The following REDIC1 variants were observed in gnomAD, a reference collection of about 807,000 sequenced individuals.
REDIC1 encodes the protein HEI10 Interacting Protein 1.
At chr12:39,775,505 C>T in the REDIC1 span, among the ~76,000 whole-genome samples, 1 of 152,196 alleles carries the variant, frequency 6.6e-6, no homozygotes, top group Non-Finnish European at 1.5e-5. Flanking sequence ...GGAGGGTCCA[C>T]GTTAGCATTT....
At chr12:39,833,833 T>C in the REDIC1 span, among the ~76,000 whole-genome samples, 2 of 150,048 alleles carry the variant, frequency 1.3e-5, no homozygotes, top group Non-Finnish European at 2.9e-5. Context: ...CTCCATAATA[T>C]GGCACCTTGG....
the REDIC1 span, among the ~76,000 whole-genome samples, chr12:39,697,770 T>G: frequency 6.6e-6 from 1 of 151,500 alleles, no homozygotes; most frequent in Admixed American, 6.6e-5. Flanking sequence ...ACACAAAAAA[T>G]AAAAAGTAAG....
the REDIC1 span, among the ~76,000 whole-genome samples, chr12:39,630,759 T>C: frequency 6.6e-6 from 1 of 152,262 alleles, no homozygotes; most frequent in Non-Finnish European, 1.5e-5. Context: ...ATTACCTAAA[T>C]AGTTGGAGAT....
the REDIC1 span, among the ~76,000 whole-genome samples, chr12:39,778,488 G>A: frequency 6.6e-6 from 1 of 152,124 alleles, no homozygotes; most frequent in South Asian, 2.1e-4. Context: ...AGACTCATGT[G>A]AGGGCCACTC....
the REDIC1 span, among the ~76,000 whole-genome samples, chr12:39,870,426 C>A: frequency 1.3e-5 from 2 of 152,098 alleles, no homozygotes; most frequent in African/African-American, 4.8e-5. Flanking sequence ...ATGATTCAGT[C>A]CATTTCATTG....
chr12:39,683,479 C>A, the REDIC1 span: 10 of 1,590,740 alleles, frequency 6.3e-6, no homozygotes, highest in Non-Finnish European at 8.6e-6. Context: ...ATCCAGCAAA[C>A]TCTATGTAAG....
the REDIC1 span, among the ~76,000 whole-genome samples, chr12:39,730,932 G>C: frequency 9.9e-5 from 15 of 151,242 alleles, no homozygotes; most frequent in Admixed American, 9.9e-4. Flanking sequence ...CTTTTTTTCT[G>C]CTTGATTGAT....
At chr12:39,738,345 G>A in the REDIC1 span, among the ~76,000 whole-genome samples, 1 of 152,088 alleles carries the variant, frequency 6.6e-6, no homozygotes, top group East Asian at 1.9e-4. Flanking sequence ...CTTCTTTTAA[G>A]AATTTTTATT....
the REDIC1 span, among the ~76,000 whole-genome samples, chr12:39,712,288 G>C: frequency 1.9e-5 from 1 of 51,898 alleles, no homozygotes; most frequent in Non-Finnish European, 4.6e-5. Flanking sequence ...ATATATACCT[G>C]TATGTATATA....
chr12:39,848,835 G>T, the REDIC1 span, among the ~76,000 whole-genome samples: 1 of 152,144 alleles, frequency 6.6e-6, no homozygotes, highest in African/African-American at 2.4e-5. Flanking sequence ...GGAATATTAT[G>T]CATCCATAAA....
chr12:39,799,065 G>T, the REDIC1 span, among the ~76,000 whole-genome samples: 152 of 129,204 alleles, frequency 1.2e-3, 1 homozygote, highest in African/African-American at 3.8e-3. Context: ...TACTGTTCTG[G>T]TTTTTTTTTT....
At chr12:39,784,681 T>G in the REDIC1 span, among the ~76,000 whole-genome samples, 1 of 152,198 alleles carries the variant, frequency 6.6e-6, no homozygotes, top group Non-Finnish European at 1.5e-5. Context: ...ACTTCATGAC[T>G]AAAACACCAA....
the REDIC1 span, among the ~76,000 whole-genome samples, chr12:39,855,345 T>C: frequency 6.6e-6 from 1 of 152,254 alleles, no homozygotes; most frequent in East Asian, 1.9e-4. Flanking sequence ...TGAGTTGCTT[T>C]GTACTTTTAT....
chr12:39,682,482 A>G, the REDIC1 span: 9 of 516,122 alleles, frequency 1.7e-5, no homozygotes, highest in South Asian at 6.5e-4. Flanking sequence ...TTAAATATAA[A>G]AAATAAAAAC....
At chr12:39,786,557 A>C in the REDIC1 span, among the ~76,000 whole-genome samples, 1 of 152,200 alleles carries the variant, frequency 6.6e-6, no homozygotes, top group Non-Finnish European at 1.5e-5. Flanking sequence ...TCTGGAGTGC[A>C]TTCTAAGCAG....
the REDIC1 span, among the ~76,000 whole-genome samples, chr12:39,860,273 G>A: frequency 6.6e-6 from 1 of 152,164 alleles, no homozygotes; most frequent in African/African-American, 2.4e-5. Context: ...TTACATTTAA[G>A]GCCTTCCAGC....
chr12:39,726,938 G>A, the REDIC1 span, among the ~76,000 whole-genome samples: 1 of 152,118 alleles, frequency 6.6e-6, no homozygotes, highest in African/African-American at 2.4e-5. Context: ...TTTTTCCTGT[G>A]TTTGTTGGCT....
chr12:39,693,666 C>A, the REDIC1 span, among the ~76,000 whole-genome samples: 1 of 152,044 alleles, frequency 6.6e-6, no homozygotes, highest in Non-Finnish European at 1.5e-5. Context: ...CCATTACATG[C>A]ATGAACTGTA....
the REDIC1 span, among the ~76,000 whole-genome samples, chr12:39,654,380 G>A: frequency 6.6e-6 from 1 of 152,082 alleles, no homozygotes; most frequent in Non-Finnish European, 1.5e-5. Flanking sequence ...GAGGTCAGGA[G>A]ATCGAGATCA....
Sources: gnomAD v4.1 joint callset for allele counts (sites outside exome capture counted in the v4.1 genomes callset) on GRCh38, gnomAD v4.1.1 for gene constraint, MANE v1.5 for transcripts, NCBI Gene and HGNC (gene_info 2026-07-23, HGNC 2026-07-21) for gene names.